Variants in MARK3 observed in about 807,000 individuals in gnomAD.
MARK3 encodes the protein microtubule affinity regulating kinase 3, also known as MAP/microtubule affinity-regulating kinase 3.
In MARK3, 46 loss-of-function variants were observed where a neutral mutation model predicts 90.1. That is an observed-to-expected ratio of 0.51 (90% CI 0.40 to 0.65). The LOEUF (loss-of-function observed/expected upper bound fraction) is 0.65, where lower values mean the gene tolerates loss of function less well. Ranked by LOEUF, MARK3 falls within the 30% of genes least tolerant of loss-of-function variation. The pLI is 0.00. For missense variants in MARK3, 818 were observed against 947.2 expected (o/e 0.86, Z 1.79); for synonymous variants, 321 against 332.6 (o/e 0.97, Z 0.38).
chr14:103,455,376 A>G (rs1379694501), intron 5 of MARK3, among the ~76,000 whole-genome samples: 1 of 152,222 alleles, frequency 6.6e-6, no homozygotes, highest in Non-Finnish European at 1.5e-5. Context: ...TTCATAATTC[A>G]TCATAGTTAA....
At chr14:103,440,663 T>C (rs560575962) in intron 3 of MARK3, among the ~76,000 whole-genome samples, 1 of 152,228 alleles carries the variant, frequency 6.6e-6, no homozygotes, top group East Asian at 1.9e-4. Context: ...CCAGGCATAG[T>C]GGCTTCCTCC....
Position 103,446,710 on chromosome 14 carries a change from C to CTTTTTTTT in MARK3, c.298-2191_298-2184dup, listed in dbSNP as rs746523547. 3.2e-4 allele frequency among the ~76,000 whole-genome samples: 31 copies of CTTTTTTTT among 98,044 alleles called. 2 individuals are homozygous for CTTTTTTTT. Among genetic ancestry groups the CTTTTTTTT allele is most frequent in the African/African-American group, 8.0e-4 (15 of 18,796 alleles). The allele number at this position is 98,044 out of a possible 152,430, so 64.3% of individuals were successfully genotyped here. ...TGGCATCCAAAGTGGAGATTGTTGT[C>CTTTTTTTT]TTTTTTTTTTTTTTTTTTTTTTTTT... On this transcript the variant is annotated intron_variant, in intron 3 of 17. Transcript: ENST00000429436.
At position 103,465,810 on chromosome 14, in the gene MARK3, C is replaced by T. The variant is rs371693376; in HGVS notation, c.777+17C>T. The T allele has an allele frequency of 6.3e-7, 1 of 1,590,282 alleles. No homozygotes were observed. Among genetic ancestry groups the T allele is most frequent in the East Asian group, 2.2e-5 (1 of 44,698 alleles). The stretch of plus-strand genomic sequence containing the variant: ...AACCTAAAGGTATAAGAAGCTGCAC[C>T]CATGTACTTCACTAAACTAAAAGAA... On this transcript the variant is annotated intron_variant, in intron 8 of 17. Transcript: ENST00000429436.
chr14:103,497,806 G>A (rs1419915453), intron 15 of MARK3, among the ~76,000 whole-genome samples: 2 of 152,270 alleles, frequency 1.3e-5, no homozygotes, highest in African/African-American at 4.8e-5. Flanking sequence ...TAATGTTTAT[G>A]TAATAAGGCA....
At chr14:103,500,520 C>T (rs2075603456) in intron 17 of MARK3, among the ~76,000 whole-genome samples, 1 of 152,248 alleles carries the variant, frequency 6.6e-6, no homozygotes, top group South Asian at 2.1e-4. Flanking sequence ...TGACCCCTCA[C>T]ATGGTTCTCT....
chr14:103,463,147 CTTTT>C (rs34014267), intron 7 of MARK3, among the ~76,000 whole-genome samples: 3 of 149,408 alleles, frequency 2.0e-5, no homozygotes, highest in African/African-American at 2.5e-5. Context: ...GTCTATATAC[CTTTT>C]TTTTTTTTTA....
chr14:103,395,823 A>G (rs1222241049), intron 1 of MARK3, among the ~76,000 whole-genome samples: 1 of 152,178 alleles, frequency 6.6e-6, no homozygotes, highest in Non-Finnish European at 1.5e-5. Context: ...GAGAGAGAGA[A>G]TGCTATTTTG....
Position 103,491,972 on chromosome 14 carries a change from C to G in MARK3, c.1782C>G (p.Ser594=). 1.2e-6 allele frequency: 2 copies of G among 1,614,148 alleles called. No homozygotes were observed. Among genetic ancestry groups the G allele is most frequent in the East Asian group, 4.5e-5 (2 of 44,884 alleles). The change falls in exon 15 of 18, where the codon TCC becomes TCG. Residue 594 remains serine (S), a synonymous_variant. Transcript: ENST00000429436. ...TGTCCCATGAAGCCACACCATTGTC[C>G]CAGACTCGAAGCCGAGGCTCCACTA... ...PSLSHEATPL[S]QTRSRGSTNL...
At chr14:103,471,819 T>A (rs1595842967) in intron 12 of MARK3, among the ~76,000 whole-genome samples, 1 of 86,062 alleles carries the variant, frequency 1.2e-5, no homozygotes, top group South Asian at 4.8e-4. Context: ...TACTAATCAA[T>A]GAGTGGTATT....
chr14:103,493,258 A>ATT (rs10678432), intron 15 of MARK3, among the ~76,000 whole-genome samples: 1,276 of 105,226 alleles, frequency 0.012, 13 homozygotes, highest in Non-Finnish European at 0.014. Context: ...TTTTTTTTTA[A>ATT]TTTTTTTTTT....
chr14:103,464,226 A>G (rs1318851587), intron 7 of MARK3, among the ~76,000 whole-genome samples: 1 of 151,084 alleles, frequency 6.6e-6, no homozygotes, highest in East Asian at 1.9e-4. Flanking sequence ...CCAGACACTA[A>G]TATAGCATCT....
intron 1 of MARK3, among the ~76,000 whole-genome samples, chr14:103,398,960 A>G (rs184565633): frequency 3.3e-5 from 5 of 152,312 alleles, no homozygotes; most frequent in African/African-American, 9.6e-5. Flanking sequence ...GAAGGGATCA[A>G]GTTCTGTTCA....
chr14:103,426,216 T>C (rs1203017090), intron 2 of MARK3, among the ~76,000 whole-genome samples: 1 of 152,042 alleles, frequency 6.6e-6, no homozygotes, highest in African/African-American at 2.4e-5. Flanking sequence ...CATACAAATA[T>C]ATTATTTGTG....
chr14:103,400,975 GTGTGTGTA>G (rs1305707006), intron 1 of MARK3, among the ~76,000 whole-genome samples: 15 of 146,420 alleles, frequency 1.0e-4, no homozygotes, highest in South Asian at 2.1e-4. Context: ...GTGTGTGTGT[GTGTGTGTA>G]TGCAGGTTGT....
intron 12 of MARK3, 68 bp from the exon 13 acceptor site, chr14:103,474,925 T>C (rs971926435): frequency 7.1e-5 from 89 of 1,246,446 alleles, no homozygotes; most frequent in Middle Eastern, 5.9e-4. Context: ...TTACAAAATA[T>C]GGTTACTGTC....
rs571234521 is a variant in MARK3 at position 103,417,930 on chromosome 14, G to A, written c.244-10457G>A. Reference sequence around the variant, plus strand: ...AAAAATCCAAAAAAATTAGCTGGGCGTGGTGGCGCGCACCTGTAATCCCAG... The same window carrying A: ...AAAAATCCAAAAAAATTAGCTGGGCATGGTGGCGCGCACCTGTAATCCCAG... On this transcript the variant is annotated intron_variant, in intron 2 of 17. Coordinates refer to ENST00000429436, the MANE Select transcript of MARK3 (RefSeq NM_001128918.3). Among the ~76,000 whole-genome samples the A allele has an allele frequency of 3.5e-3, 529 of 152,214 alleles. 2 individuals are homozygous for A. Among genetic ancestry groups the A allele is most frequent in the Non-Finnish European group, 6.2e-3 (423 of 68,004 alleles).
chr14:103,415,725 T>C (rs1034237416), intron 2 of MARK3, among the ~76,000 whole-genome samples: 1 of 152,218 alleles, frequency 6.6e-6, no homozygotes, highest in Non-Finnish European at 1.5e-5. Flanking sequence ...TTTATTGGAG[T>C]TATTTATTGT....
intron 4 of MARK3, among the ~76,000 whole-genome samples, chr14:103,450,875 A>AGTGTGTGTGTGT (rs61183226): frequency 5.8e-4 from 67 of 114,880 alleles, no homozygotes; most frequent in South Asian, 1.2e-3. Flanking sequence ...TCATTTTTAA[A>AGTGTGTGTGTGT]GTGTGTGTGT....
chr14:103,442,346 G>A (rs1275750355), intron 3 of MARK3, among the ~76,000 whole-genome samples: 2 of 147,214 alleles, frequency 1.4e-5, no homozygotes, highest in Non-Finnish European at 3.0e-5. Flanking sequence ...GTTCAGCCTG[G>A]GTGACAGAGT....
Sources: gnomAD v4.1 joint callset for allele counts (sites outside exome capture counted in the v4.1 genomes callset) on GRCh38, gnomAD v4.1.1 for gene constraint, MANE v1.5 for transcripts, NCBI Gene and HGNC (gene_info 2026-07-23, HGNC 2026-07-21) for gene names.